Variants in MICAL2 observed in about 807,000 individuals in gnomAD.
MICAL2 encodes the protein [F-actin]-monooxygenase MICAL2.
A neutral mutation model predicts 127.3 loss-of-function variants in MICAL2; 77 were observed. The ratio of observed to expected loss-of-function variants is 0.60; its 90% CI spans 0.50 to 0.73. The LOEUF (loss-of-function observed/expected upper bound fraction) is 0.73, where lower values mean the gene tolerates loss of function less well. MICAL2 is among the 30% of genes least tolerant of loss of function. MICAL2 has a pLI of 0.00. For synonymous variants in MICAL2, 570 were observed against 551.1 expected (o/e 1.03, Z -0.48); for missense variants, 1,351 against 1,434.4 (o/e 0.94, Z 0.94).
intron 2 of MICAL2, among the ~76,000 whole-genome samples, chr11:12,157,710 T>C (rs1366711094): frequency 6.7e-6 from 1 of 149,524 alleles, no homozygotes; most frequent in Non-Finnish European, 1.5e-5. Context: ...AAAAAAAAAA[T>C]CCTGACTACG....
chr11:12,316,908 G>A (rs962610834), intron 29 of MICAL2, among the ~76,000 whole-genome samples: 1 of 152,164 alleles, frequency 6.6e-6, no homozygotes, highest in Middle Eastern at 3.4e-3. Context: ...TTCATTCCCC[G>A]TGATTTTTCT....
Position 12,171,769 on chromosome 11 carries a change from T to C in MICAL2, c.264+9350T>C, listed in dbSNP as rs186597641. On this transcript the variant is annotated intron_variant, in intron 3 of 27. Coordinates refer to ENST00000683283, the MANE Select transcript of MICAL2 (RefSeq NM_001282663.2). ...TCAGTAGCTATATTCTCTGATTCTC[T>C]AGGCCAGTGCCGCCCAAAAGAAATA... Among the ~76,000 whole-genome samples, 441 of 152,346 alleles carry C rather than the reference T, an allele frequency of 2.9e-3. 3 individuals are homozygous for C. The highest frequency in any genetic ancestry group is 0.01 in the African/African-American group (416 of 41,586).
At chr11:12,122,237 C>T (rs1015866253) in intron 1 of MICAL2, among the ~76,000 whole-genome samples, 40 of 152,178 alleles carry the variant, frequency 2.6e-4, no homozygotes, top group African/African-American at 7.2e-4. Context: ...GGGTAATGGG[C>T]GTAGCACACC....
chr11:12,310,293 T>G (rs868615432), intron 29 of MICAL2, among the ~76,000 whole-genome samples: 1 of 152,186 alleles, frequency 6.6e-6, no homozygotes, highest in African/African-American at 2.4e-5. Flanking sequence ...TTTTGTCTAG[T>G]AGCTTCATAG....
chr11:12,311,458 C>G (rs879331967), intron 29 of MICAL2, among the ~76,000 whole-genome samples: 1 of 152,000 alleles, frequency 6.6e-6, no homozygotes, highest in Non-Finnish European at 1.5e-5. Flanking sequence ...GTTGCCCAGG[C>G]TGGAGTGCAG....
chr11:12,112,403 T>C (rs563859638), intron 1 of MICAL2, among the ~76,000 whole-genome samples: 1 of 152,132 alleles, frequency 6.6e-6, no homozygotes, highest in South Asian at 2.1e-4. Context: ...TGGGGAGGGA[T>C]TGGGTGCTAT....
downstream of MICAL2, among the ~76,000 whole-genome samples, chr11:12,295,978 T>C (rs1280253933): frequency 1.3e-5 from 2 of 152,190 alleles, no homozygotes; most frequent in East Asian, 1.9e-4. Flanking sequence ...AATGAAAATG[T>C]AGGCTTTTTA....
chr11:12,353,267 G>T (rs919270223), intron 33 of MICAL2, among the ~76,000 whole-genome samples: 2 of 152,160 alleles, frequency 1.3e-5, no homozygotes, highest in African/African-American at 4.8e-5. Context: ...CCTAGTCTCG[G>T]CCCTCACCCT....
At chr11:12,228,102 GCAGATCA>G (rs1857709968) in intron 15 of MICAL2, among the ~76,000 whole-genome samples, 1 of 152,224 alleles carries the variant, frequency 6.6e-6, no homozygotes, top group African/African-American at 2.4e-5. Context: ...GCCAAGGCAG[GCAGATCA>G]CCTGAGGTCA....
In MICAL2 at chr11:12,137,204, A is replaced by T. The variant is rs574559219; in HGVS notation, c.-148-1186A>T. Among the ~76,000 whole-genome samples, 196 of 152,300 alleles carry T rather than the reference A, an allele frequency of 1.3e-3. 1 individual carries two copies. Among genetic ancestry groups the T allele is most frequent in the African/African-American group, 3.9e-3 (163 of 41,574 alleles). On this transcript the variant is annotated intron_variant, in intron 1 of 27. Coordinates refer to ENST00000683283, the MANE Select transcript of MICAL2 (RefSeq NM_001282663.2). ...GAGGGGTGTGGGCTTGGTAATGATGATGACGGGCGGGCAGGGCTGCCGCTT... is the reference window on the plus strand; with the variant it reads ...GAGGGGTGTGGGCTTGGTAATGATGTTGACGGGCGGGCAGGGCTGCCGCTT...
chr11:12,334,282 T>C (rs1030705289), intron 32 of MICAL2, among the ~76,000 whole-genome samples: 3 of 152,204 alleles, frequency 2.0e-5, no homozygotes, highest in Non-Finnish European at 4.4e-5. Flanking sequence ...TCTTGCATAC[T>C]TGAAATCATC....
At chr11:12,340,239 C>T (rs978753153) in intron 32 of MICAL2, among the ~76,000 whole-genome samples, 1 of 152,266 alleles carries the variant, frequency 6.6e-6, no homozygotes, top group South Asian at 2.1e-4. Flanking sequence ...TAAATATAGA[C>T]AAATGACATA....
downstream of MICAL2, among the ~76,000 whole-genome samples, chr11:12,291,653 G>A (rs193125091): frequency 1.1e-4 from 17 of 152,334 alleles, no homozygotes; most frequent in East Asian, 2.7e-3. Flanking sequence ...CTGTCTGAGA[G>A]CCTCTTGGCA....
At chr11:12,187,396 G>A (rs1858443726) in intron 3 of MICAL2, among the ~76,000 whole-genome samples, 1 of 152,230 alleles carries the variant, frequency 6.6e-6, no homozygotes, top group Admixed American at 6.5e-5. Flanking sequence ...TTCTAGGGGT[G>A]TGGTCCTGGG....
intron 26 of MICAL2, chr11:12,260,584 T>A (rs1376020860): frequency 1.0e-6 from 1 of 992,260 alleles, no homozygotes; most frequent in Admixed American, 6.1e-5. Context: ...TTTAAGATTT[T>A]ACACGCATGA....
downstream of MICAL2, among the ~76,000 whole-genome samples, chr11:12,297,041 C>A (rs887788427): frequency 1.3e-5 from 2 of 152,136 alleles, no homozygotes; most frequent in Middle Eastern, 3.4e-3. Flanking sequence ...TAAGCATGTG[C>A]GTGAATTTAT....
downstream of MICAL2, chr11:12,294,967 A>G: frequency 7.5e-7 from 1 of 1,340,500 alleles, no homozygotes; most frequent in Non-Finnish European, 9.5e-7. Flanking sequence ...TCAAATACTA[A>G]CAAAAGTAGG....
At chr11:12,259,448 T>C (rs1463239689) in intron 25 of MICAL2, among the ~76,000 whole-genome samples, 1 of 152,246 alleles carries the variant, frequency 6.6e-6, no homozygotes, top group Non-Finnish European at 1.5e-5. Flanking sequence ...TATTACTGGA[T>C]CTTTACGTCG....
At chr11:12,349,015 C>T (rs1751137551) in intron 32 of MICAL2, among the ~76,000 whole-genome samples, 1 of 152,194 alleles carries the variant, frequency 6.6e-6, no homozygotes, top group South Asian at 2.1e-4. Flanking sequence ...CACAAAGCTT[C>T]TGTCTGCCTT....
Sources: gnomAD v4.1 joint callset for allele counts (sites outside exome capture counted in the v4.1 genomes callset) on GRCh38, gnomAD v4.1.1 for gene constraint, MANE v1.5 for transcripts, NCBI Gene and HGNC (gene_info 2026-07-23, HGNC 2026-07-21) for gene names.